The following TGFA variants were observed in gnomAD, a reference collection of about 807,000 sequenced individuals.
The protein encoded by TGFA is protransforming growth factor alpha.
Under a neutral mutation model 21.7 loss-of-function variants are expected in TGFA, and 12 were observed. The ratio of observed to expected loss-of-function variants is 0.55; its 90% CI spans 0.35 to 0.90. The LOEUF (loss-of-function observed/expected upper bound fraction) is 0.90, where lower values mean the gene tolerates loss of function less well. TGFA is among the 40% of genes least tolerant of loss of function. TGFA has a pLI of 0.01. For synonymous variants in TGFA, 79 were observed against 88.1 expected (o/e 0.90, Z 0.58); for missense variants, 178 against 210.8 (o/e 0.84, Z 0.96).
At chr2:70,535,759 A>G (rs1672952213) in intron 1 of TGFA, among the ~76,000 whole-genome samples, 2 of 152,228 alleles carry the variant, frequency 1.3e-5, no homozygotes, top group South Asian at 4.1e-4. Context: ...GACACTTCAC[A>G]AGAAAATAAG....
chr2:70,504,463 T>TATATATAC (rs1224115401), intron 2 of TGFA, among the ~76,000 whole-genome samples: 212 of 48,678 alleles, frequency 4.4e-3, no homozygotes, highest in Middle Eastern at 9.8e-3. Context: ...TATATATATA[T>TATATATAC]ACACACATAC....
chr2:70,518,455 C>T (rs1381646549), intron 1 of TGFA, among the ~76,000 whole-genome samples: 2 of 152,170 alleles, frequency 1.3e-5, no homozygotes, highest in African/African-American at 4.8e-5. Flanking sequence ...GTTTGGTACT[C>T]AGGTAAATGT....
chr2:70,552,292 G>A (rs1673535553), intron 1 of TGFA, among the ~76,000 whole-genome samples: 1 of 152,196 alleles, frequency 6.6e-6, no homozygotes, highest in African/African-American at 2.4e-5. Flanking sequence ...CACTTGGACT[G>A]TGTCTGACAC....
chr2:70,540,464 A>T, intron 1 of TGFA, among the ~76,000 whole-genome samples: 1 of 152,198 alleles, frequency 6.6e-6, no homozygotes, highest in East Asian at 1.9e-4. Flanking sequence ...ATGATGTTAG[A>T]ATAACTGGAT....
At chr2:70,525,660 C>T (rs1486586181) in intron 1 of TGFA, among the ~76,000 whole-genome samples, 1 of 152,120 alleles carries the variant, frequency 6.6e-6, no homozygotes, top group Non-Finnish European at 1.5e-5. Context: ...AAGGCCTGGG[C>T]AACAAGTGCA....
chr2:70,512,801 G>A (rs1343404824), intron 2 of TGFA, among the ~76,000 whole-genome samples: 2 of 152,146 alleles, frequency 1.3e-5, no homozygotes, highest in African/African-American at 4.8e-5. Context: ...TGGAGGAGGG[G>A]GTCAAATAAC....
intron 1 of TGFA, 61 bp from the exon 2 acceptor site, chr2:70,514,973 A>C: frequency 2.0e-6 from 3 of 1,527,628 alleles, no homozygotes; most frequent in Non-Finnish European, 2.7e-6. Context: ...ATGTCCTCAG[A>C]CGCTTAGAGG....
intron 5 of TGFA, chr2:70,451,673 TA>T (rs1670063102): frequency 1.5e-6 from 1 of 675,512 alleles, no homozygotes; most frequent in Admixed American, 2.4e-5. Context: ...CAAATTTTCT[TA>T]AAAGATTAAA....
rs782406334 is a variant in TGFA, at chr2:70,450,878, GA to G, written c.476-13del. The G allele has an allele frequency of 2.5e-6, 4 of 1,607,616 alleles. No individual in the cohort carries two copies. The highest frequency in any genetic ancestry group is 2.5e-6 in the Non-Finnish European group (3 of 1,176,662). ...GGCTCTTCAGACCACTGGCAGGAAG[GA>G]AAAACAGGTTAAGCACTGTGGGCCA... On this transcript the variant is annotated splice_polypyrimidine_tract_variant and intron_variant, in intron 5 of 5. Transcript: ENST00000295400.
At chr2:70,513,199 C>T (rs1402670749) in intron 2 of TGFA, among the ~76,000 whole-genome samples, 5 of 152,060 alleles carry the variant, frequency 3.3e-5, no homozygotes, top group African/African-American at 7.2e-5. Flanking sequence ...ATACCCAGTG[C>T]GTAAGTGTTG....
chr2:70,495,285 A>T (rs538032746), intron 2 of TGFA, among the ~76,000 whole-genome samples: 4 of 152,234 alleles, frequency 2.6e-5, no homozygotes, highest in Non-Finnish European at 4.4e-5. Flanking sequence ...GAATGTGTCT[A>T]TTCTTGTCCC....
At chr2:70,503,807 A>T (rs1226290252) in intron 2 of TGFA, among the ~76,000 whole-genome samples, 1 of 152,250 alleles carries the variant, frequency 6.6e-6, no homozygotes, top group Non-Finnish European at 1.5e-5. Flanking sequence ...GCTCTGACCT[A>T]GAGGCCCCGT....
intron 1 of TGFA, among the ~76,000 whole-genome samples, chr2:70,537,052 C>T (rs1553504538): frequency 6.7e-6 from 1 of 149,930 alleles, no homozygotes; most frequent in Non-Finnish European, 1.5e-5. Context: ...ACAGCAAGCG[C>T]TCACTTCGTG....
At chr2:70,546,023 G>A (rs115455145) in intron 1 of TGFA, among the ~76,000 whole-genome samples, 1 of 152,158 alleles carries the variant, frequency 6.6e-6, no homozygotes, top group Non-Finnish European at 1.5e-5. Flanking sequence ...ACTGGGCTGA[G>A]ATCATTTTTC....
intron 1 of TGFA, among the ~76,000 whole-genome samples, chr2:70,547,111 T>C (rs999009209): frequency 1.3e-5 from 2 of 152,208 alleles, no homozygotes; most frequent in Non-Finnish European, 2.9e-5. Context: ...TTGTAGCTAT[T>C]GCCACGCTGA....
chr2:70,473,968 AT>A (rs1368800394), intron 2 of TGFA, among the ~76,000 whole-genome samples: 1 of 152,148 alleles, frequency 6.6e-6, no homozygotes, highest in African/African-American at 2.4e-5. Flanking sequence ...CAGATTCACA[AT>A]TTACTGAGAG....
intron 2 of TGFA, among the ~76,000 whole-genome samples, chr2:70,469,486 C>T (rs1197275046): frequency 6.6e-6 from 1 of 152,116 alleles, no homozygotes; most frequent in Non-Finnish European, 1.5e-5. Context: ...CAGGTACATT[C>T]CACTGCACCC....
chr2:70,512,502 G>A (rs75489881), intron 2 of TGFA, among the ~76,000 whole-genome samples: 4,395 of 152,272 alleles, frequency 0.029, 215 homozygotes, highest in African/African-American at 0.1. Flanking sequence ...AATATGCAAC[G>A]CAGCAGGGGT....
chr2:70,532,645 G>A (rs1672846701), intron 1 of TGFA, among the ~76,000 whole-genome samples: 1 of 152,220 alleles, frequency 6.6e-6, no homozygotes, highest in Admixed American at 6.5e-5. Flanking sequence ...TCCTACGCCT[G>A]TGGTTCATTT....
Sources: allele counts gnomAD v4.1 joint callset (sites outside exome capture counted in the v4.1 genomes callset), GRCh38; gene constraint gnomAD v4.1.1; transcripts MANE v1.5; gene names NCBI Gene and HGNC (gene_info 2026-07-23, HGNC 2026-07-21).